IGF2BP3: variants seen among roughly 807,000 people sequenced by gnomAD.
IGF2BP3 encodes insulin-like growth factor 2 mRNA-binding protein 3.
Under a neutral mutation model 73.8 loss-of-function variants are expected in IGF2BP3, and 9 were observed. The ratio of observed to expected loss-of-function variants is 0.12; its 90% confidence interval spans 0.07 to 0.21. The LOEUF (loss-of-function observed/expected upper bound fraction) is 0.21, where lower values mean the gene tolerates loss of function less well. Ranked by LOEUF, IGF2BP3 falls within the 10% of genes least tolerant of loss-of-function variation. The pLI, the probability that IGF2BP3 is intolerant of heterozygous loss-of-function variation, is 1.00. For synonymous variants in IGF2BP3, 258 were observed against 256.7 expected, an observed-to-expected ratio of 1.01 and a Z score of -0.05; for missense variants, 542 against 714.0, an observed-to-expected ratio of 0.76 and a Z score of 2.75.
At chr7:23,395,853 G>C (rs909839846) in intron 3 of IGF2BP3, among the ~76,000 whole-genome samples, 1 of 151,938 alleles carries the variant, frequency 6.6e-6, no homozygotes, top group Admixed American at 6.6e-5. Context: ...TTGAACCTGG[G>C]AGGCAGAGGT....
intron 12 of IGF2BP3, 87 bp from the exon 13 acceptor site, chr7:23,313,740 G>C: frequency 7.6e-7 from 1 of 1,320,774 alleles, no homozygotes; most frequent in South Asian, 1.3e-5. Context: ...AAATCCAAGT[G>C]GGATAGCCCT....
intron 3 of IGF2BP3, among the ~76,000 whole-genome samples, chr7:23,405,567 G>A (rs897481313): frequency 1.3e-5 from 2 of 152,222 alleles, no homozygotes; most frequent in Non-Finnish European, 2.9e-5. Context: ...GTGAGAGGAG[G>A]TGAGCAGGCT....
At chr7:23,415,137 C>T (rs1399756390) in intron 3 of IGF2BP3, 1 of 228,134 alleles carries the variant, frequency 4.4e-6, no homozygotes, top group Non-Finnish European at 8.9e-6. Context: ...ATTACCAGGT[C>T]CTGTCTGTCA....
intron 12 of IGF2BP3, among the ~76,000 whole-genome samples, chr7:23,314,484 T>G (rs1275514303): frequency 6.6e-6 from 1 of 151,882 alleles, no homozygotes; most frequent in Non-Finnish European, 1.5e-5. Flanking sequence ...ACTGCGCCAC[T>G]AATTTTTATA....
intron 10 of IGF2BP3, among the ~76,000 whole-genome samples, chr7:23,328,311 C>T (rs527399137): frequency 6.6e-6 from 1 of 152,196 alleles, no homozygotes; most frequent in South Asian, 2.1e-4. Flanking sequence ...TGGGTTCAAG[C>T]GATTCTTCTG....
intron 12 of IGF2BP3, among the ~76,000 whole-genome samples, chr7:23,315,573 C>A (rs555513563): frequency 2.6e-5 from 4 of 152,276 alleles, no homozygotes; most frequent in African/African-American, 9.6e-5. Context: ...CAATAGTACC[C>A]AACACGCGTT....
rs373876363 is a variant in IGF2BP3 at position 23,378,401 on chromosome 7, G to GTTTTTTTTTTTTTTTTTTT, written c.286-16661_286-16660insAAAAAAAAAAAAAAAAAAA. On this transcript the variant is annotated intron_variant, in intron 3 of 14. Transcript: ENST00000258729. ...AGGAAAATAGACATTTCTCTTCTTG[G>GTTTTTTTTTTTTTTTTTTT]TTTTTTTTTGAGACAGAGTCTCGCT... Among the ~76,000 whole-genome samples, 333 of 127,986 alleles carry GTTTTTTTTTTTTTTTTTTT rather than the reference G, an allele frequency of 2.6e-3. 49 individuals carry two copies. The highest frequency in any genetic ancestry group is 0.012 in the African/African-American group (309 of 26,738). The allele number at this position is 127,986 out of a possible 152,430, so 84.0% of individuals were successfully genotyped here. A position where few individuals can be genotyped will look rare whatever the true frequency, so the allele number is the denominator to read the frequency against.
intron 2 of IGF2BP3, 68 bp from the exon 3 acceptor site, chr7:23,418,892 G>A: frequency 2.0e-6 from 2 of 983,926 alleles, no homozygotes; most frequent in Non-Finnish European, 3.1e-6. Flanking sequence ...AGCCAACATG[G>A]AAGTTTAGAA....
intron 10 of IGF2BP3, among the ~76,000 whole-genome samples, chr7:23,335,875 G>A (rs1397231838): frequency 3.3e-5 from 5 of 152,136 alleles, no homozygotes; most frequent in Admixed American, 2.6e-4. Context: ...TGAAAGGCGC[G>A]TTTCCTGTCA....
chr7:23,459,707 T>C (rs935327941), intron 2 of IGF2BP3, among the ~76,000 whole-genome samples: 2 of 152,064 alleles, frequency 1.3e-5, no homozygotes, highest in Non-Finnish European at 2.9e-5. Context: ...GGTGTGCGCC[T>C]GTAATCTCAG....
At chr7:23,419,692 A>G (rs1239023236) in intron 2 of IGF2BP3, among the ~76,000 whole-genome samples, 1 of 152,146 alleles carries the variant, frequency 6.6e-6, no homozygotes, top group Non-Finnish European at 1.5e-5. Flanking sequence ...CCTCTACTAA[A>G]ATTACAAAAA....
chr7:23,440,527 T>C (rs1787908129), intron 2 of IGF2BP3, among the ~76,000 whole-genome samples: 1 of 152,256 alleles, frequency 6.6e-6, no homozygotes, highest in South Asian at 2.1e-4. Context: ...GGATGGGCCT[T>C]AACACCTTGT....
intron 8 of IGF2BP3, among the ~76,000 whole-genome samples, chr7:23,344,078 G>A (rs274047): frequency 0.04 from 6,092 of 152,184 alleles, 200 homozygotes; most frequent in South Asian, 0.1. Context: ...CTCAACTAAC[G>A]ATTACTGGAT....
At chr7:23,351,924 T>C (rs1048482249) in intron 5 of IGF2BP3, among the ~76,000 whole-genome samples, 38 of 152,202 alleles carry the variant, frequency 2.5e-4, no homozygotes, top group African/African-American at 8.9e-4. Flanking sequence ...TTACTAACGG[T>C]TTAGGAATAG....
At chr7:23,396,881 G>A (rs1462033335) in intron 3 of IGF2BP3, among the ~76,000 whole-genome samples, 1 of 152,168 alleles carries the variant, frequency 6.6e-6, no homozygotes, top group Non-Finnish European at 1.5e-5. Context: ...GCAGCAGGGC[G>A]AGGCACTTGT....
chr7:23,430,745 G>A (rs866360060), intron 2 of IGF2BP3, among the ~76,000 whole-genome samples: 6 of 152,126 alleles, frequency 3.9e-5, no homozygotes, highest in African/African-American at 1.4e-4. Context: ...ATGTCAACTG[G>A]CATAACTCTG....
chr7:23,400,836 G>A (rs1452006055), intron 3 of IGF2BP3, among the ~76,000 whole-genome samples: 5 of 152,208 alleles, frequency 3.3e-5, no homozygotes, highest in African/African-American at 1.2e-4. Context: ...GCCTTGCTCT[G>A]TGGCCTAGGC....
At chr7:23,331,745 A>C (rs1230595515) in intron 10 of IGF2BP3, among the ~76,000 whole-genome samples, 1 of 151,876 alleles carries the variant, frequency 6.6e-6, no homozygotes. Flanking sequence ...CTGTAGTCCC[A>C]GCTACTCGGG....
chr7:23,416,439 A>G (rs919912292), intron 3 of IGF2BP3, among the ~76,000 whole-genome samples: 1 of 152,154 alleles, frequency 6.6e-6, no homozygotes, highest in African/African-American at 2.4e-5. Flanking sequence ...CATATTTAGG[A>G]CATGGCTAGT....
Sources: allele counts gnomAD v4.1 joint callset (sites outside exome capture counted in the v4.1 genomes callset), GRCh38; gene constraint gnomAD v4.1.1; transcripts MANE v1.5; gene names NCBI Gene and HGNC (gene_info 2026-07-23, HGNC 2026-07-21).